CACNA1I: variants seen among roughly 807,000 people sequenced by gnomAD.
CACNA1I encodes calcium voltage-gated channel subunit alpha1 I, also known as voltage-dependent T-type calcium channel subunit alpha-1I.
A neutral mutation model predicts 201.6 loss-of-function variants in CACNA1I; 74 were observed. The ratio of observed to expected loss-of-function variants is 0.37; its 90% CI spans 0.30 to 0.45. The LOEUF (loss-of-function observed/expected upper bound fraction) is 0.45, where lower values mean the gene tolerates loss of function less well. CACNA1I is among the 20% of genes least tolerant of loss of function. The pLI is 1.00. For missense variants in CACNA1I, 2,346 were observed against 3,138.1 expected, an observed-to-expected ratio of 0.75 and a Z score of 6.03; for synonymous variants, 1,431 against 1,345.2, an observed-to-expected ratio of 1.06 and a Z score of -1.40.
Position 39,665,036 on chromosome 22 carries a change from T to C in CACNA1I, c.3851+113T>C, listed in dbSNP as rs370046806. ...CCCGCCCGCCCACTCGGTCCTCCAA[T>C]AGTGAGTGCCAAACACCCTGAGCTG... On this transcript the variant is annotated intron_variant, in intron 21 of 36. Transcript: ENST00000402142. This position sits in a 1 kb window ranked among gnomAD's most constrained non-coding sequence, Gnocchi z 5.5. 2.3e-5 allele frequency: 22 copies of C among 941,228 alleles called. 1 individual carries two copies. Among genetic ancestry groups the C allele is most frequent in the East Asian group, 5.4e-5 (2 of 37,126 alleles). The allele number at this position is 941,228 out of a possible 1,614,324, so 58.3% of individuals were successfully genotyped here. A position where few individuals can be genotyped will look rare whatever the true frequency, so the allele number is the denominator to read the frequency against.
chr22:39,651,290 C>G (rs1934641185), intron 10 of CACNA1I, among the ~76,000 whole-genome samples: 3 of 152,204 alleles, frequency 2.0e-5, no homozygotes, highest in South Asian at 4.1e-4. Context: ...TGTGGAGGCC[C>G]TGCATGCCGC....
At position 39,604,367 on chromosome 22, in the gene CACNA1I, C is replaced by T. The variant is rs528192657; in HGVS notation, c.482+3714C>T. Among the ~76,000 whole-genome samples the T allele has an allele frequency of 1.1e-3, 172 of 152,180 alleles. 2 individuals carry two copies. The highest frequency in any genetic ancestry group is 4.0e-3 in the African/African-American group (164 of 41,498). On this transcript the variant is annotated intron_variant, in intron 3 of 36. Coordinates refer to ENST00000402142, the MANE Select transcript of CACNA1I (RefSeq NM_021096.4). Reference sequence around the variant, plus strand: ...TCCTCGAGATGGGGGCTGGATGAGGCGAGGTCTGCAGGCCAGCATCCTTGG... The same window carrying T: ...TCCTCGAGATGGGGGCTGGATGAGGTGAGGTCTGCAGGCCAGCATCCTTGG...
At chr22:39,679,898 T>C in intron 33 of CACNA1I, 30 bp downstream of exon 33, 1 of 1,601,720 alleles carries the variant, frequency 6.2e-7, no homozygotes, top group Non-Finnish European at 8.5e-7. Context: ...CCTGGCCCCT[T>C]GTGGCAGGGG....
rs1326028018 is a variant in CACNA1I at position 39,665,444 on chromosome 22, T to G, written c.3852-54T>G. On this transcript the variant is annotated intron_variant, in intron 21 of 36. Coordinates refer to ENST00000402142, the MANE Select transcript of CACNA1I (RefSeq NM_021096.4). This position sits in a 1 kb window ranked among gnomAD's most constrained non-coding sequence, Gnocchi z 5.5. ...TGGTGACTCTGGGCTGAGTAGGGGC[T>G]GCCTCCTGGCCTGGCCAAGGGATTA... The G allele has an allele frequency of 6.2e-7, 1 of 1,603,470 alleles. No homozygotes were observed. Among genetic ancestry groups the G allele is most frequent in the African/African-American group, 1.3e-5 (1 of 74,796 alleles).
In CACNA1I at chr22:39,680,816, T is replaced by G. The variant is rs1048272649; in HGVS notation, c.5542-114T>G. The G allele has an allele frequency of 1.9e-4, 229 of 1,203,894 alleles. 1 individual carries two copies. The highest frequency in any genetic ancestry group is 5.2e-5 in the Non-Finnish European group (46 of 888,858). 74.6% of individuals were successfully genotyped at this position (1,203,894 alleles called of 1,614,324 possible). A position where few individuals can be genotyped will look rare whatever the true frequency, so the allele number is the denominator to read the frequency against. On this transcript the variant is annotated intron_variant, in intron 33 of 36. Coordinates refer to ENST00000402142, the MANE Select transcript of CACNA1I (RefSeq NM_021096.4). ...CGTGTCCAGCAGGTGTCTGGACCTT[T>G]CTGACCACTGCTCGGCCTCTCTTCA...
At chr22:39,633,530 C>G (rs1934121833) in intron 4 of CACNA1I, among the ~76,000 whole-genome samples, 1 of 152,164 alleles carries the variant, frequency 6.6e-6, no homozygotes, top group Non-Finnish European at 1.5e-5. Context: ...ACAGAAAGAG[C>G]TTTCACAGGG....
rs1277348155 is a variant in CACNA1I, at chr22:39,645,276, C to T, written c.1150-1293C>T. ...TGCTGGGATTACAGGCATGAGCCAC[C>T]GCACCTGGCTTCCTTCTGACTAAAA... On this transcript the variant is annotated intron_variant, in intron 7 of 36. Transcript: ENST00000402142. 3.3e-5 allele frequency among the ~76,000 whole-genome samples: 5 copies of T among 152,356 alleles called. No individual in the cohort carries two copies. The South Asian group carries it at 6.2e-4, about 19-fold the overall frequency.
rs980978496 is a variant in CACNA1I, at chr22:39,641,408, A to G, written c.1056+226A>G. 3.9e-5 allele frequency among the ~76,000 whole-genome samples: 6 copies of G among 152,368 alleles called. No homozygotes were observed. The East Asian group carries it at 1.2e-3, about 29-fold the overall frequency. ...ATGATGTGACTATTAAATGGCAAAA[A>G]TAGGCTCTTAACCCAGCTCTGGGTG... is the stretch of plus-strand genomic sequence containing the variant. On this transcript the variant is annotated intron_variant, in intron 6 of 36. Coordinates refer to ENST00000402142, the MANE Select transcript of CACNA1I (RefSeq NM_021096.4).
chr22:39,608,169 G>A (rs114872398), intron 3 of CACNA1I, among the ~76,000 whole-genome samples: 3 of 151,302 alleles, frequency 2.0e-5, no homozygotes, highest in Non-Finnish European at 2.9e-5. Flanking sequence ...TTAGCCAGGC[G>A]CAGTGGCGCA....
chr22:39,593,546 C>T (rs765634937), intron 1 of CACNA1I, among the ~76,000 whole-genome samples: 1 of 152,078 alleles, frequency 6.6e-6, no homozygotes, highest in Non-Finnish European at 1.5e-5. Context: ...AGGCAGAAGG[C>T]GTGTTTGGAG....
intron 3 of CACNA1I, among the ~76,000 whole-genome samples, chr22:39,603,888 T>A (rs1933136158): frequency 6.6e-6 from 1 of 152,180 alleles, no homozygotes; most frequent in Non-Finnish European, 1.5e-5. Flanking sequence ...GAGTTATCTT[T>A]TGGGCAGAAA....
chr22:39,619,222 G>A, intron 3 of CACNA1I, 88 bp from the exon 4 acceptor site: 1 of 963,144 alleles, frequency 1.0e-6, no homozygotes, highest in Non-Finnish European at 1.7e-6. Context: ...AGGCAGTAGT[G>A]CGCAGGTGGC....
chr22:39,607,895 C>CTG (rs1555903855), intron 3 of CACNA1I, among the ~76,000 whole-genome samples: 2 of 139,310 alleles, frequency 1.4e-5, no homozygotes, highest in African/African-American at 2.7e-5. Flanking sequence ...GGTGCCAAGG[C>CTG]GGGGGGGGGT....
intron 4 of CACNA1I, among the ~76,000 whole-genome samples, chr22:39,631,516 G>T (rs5757754): frequency 6.6e-6 from 1 of 152,016 alleles, no homozygotes; most frequent in African/African-American, 2.4e-5. Flanking sequence ...GGAGGGCTTC[G>T]TGACTAACTG....
At chr22:39,653,550 G>A (rs1934719553) in intron 10 of CACNA1I, among the ~76,000 whole-genome samples, 3 of 152,184 alleles carry the variant, frequency 2.0e-5, no homozygotes, top group Admixed American at 6.5e-5. Context: ...AGGAGGAGAG[G>A]GTGGGTGAAC....
In CACNA1I at chr22:39,685,778, G is replaced by A. The variant is rs1266156484; in HGVS notation, c.6045G>A (p.Thr2015=). The change falls in exon 37 of 37, where the codon ACG becomes ACA. Residue 2015 remains threonine (T), a synonymous_variant. Coordinates refer to ENST00000402142, the MANE Select transcript of CACNA1I (RefSeq NM_021096.4). This position sits in a 1 kb window ranked among gnomAD's most constrained non-coding sequence, Gnocchi z 5.0. ...CCCCCCAGGCCACCGGGAGCGACAC[G>A]TCGCTGGACGCCAGCCCCAGCAGCT... The part of the protein sequence containing the change: ...TLLRQATGSD[T]SLDASPSSSA... The A allele has an allele frequency of 2.0e-6, 3 of 1,492,246 alleles. No homozygotes were observed. Among genetic ancestry groups the A allele is most frequent in the Non-Finnish European group, 2.7e-6 (3 of 1,128,514 alleles). 92.4% of individuals were successfully genotyped at this position (1,492,246 alleles called of 1,614,324 possible). A position where few individuals can be genotyped will look rare whatever the true frequency, so the allele number is the denominator to read the frequency against.
chr22:39,683,708 C>A (rs1303538978), intron 35 of CACNA1I, among the ~76,000 whole-genome samples: 1 of 149,612 alleles, frequency 6.7e-6, no homozygotes, highest in Non-Finnish European at 1.5e-5. Context: ...ACCCCCCACG[C>A]CCCCCACACC....
At chr22:39,592,791 A>G (rs1157630340) in intron 1 of CACNA1I, among the ~76,000 whole-genome samples, 2 of 152,028 alleles carry the variant, frequency 1.3e-5, no homozygotes, top group Non-Finnish European at 2.9e-5. Context: ...AACACTTGTG[A>G]CTCATGGTGG....
chr22:39,679,826 C>T lies in CACNA1I; in HGVS notation c.5499C>T (p.Ser1833=). 6.2e-7 allele frequency: 1 copy of T among 1,612,998 alleles called. No homozygotes were observed. Among genetic ancestry groups the T allele is most frequent in the Non-Finnish European group, 8.5e-7 (1 of 1,179,576 alleles). ...NLSGSIFHHY[S]SPAGCKKCHH... ...CGGGCTCCATCTTCCACCACTACTC[C>T]TCGCCTGCCGGCTGCAAGAAGTGTC... The change falls in exon 33 of 37, where the codon TCC becomes TCT. Residue 1833 remains serine, a synonymous_variant. Coordinates refer to ENST00000402142, the MANE Select transcript of CACNA1I (RefSeq NM_021096.4).
Sources: allele counts gnomAD v4.1 joint callset (sites outside exome capture counted in the v4.1 genomes callset), GRCh38; gene constraint gnomAD v4.1.1; non-coding constraint Gnocchi (gnomAD v3.1); transcripts MANE v1.5; gene names NCBI Gene and HGNC (gene_info 2026-07-23, HGNC 2026-07-21).